CCDC85C: variants seen among roughly 807,000 people sequenced by gnomAD.
CCDC85C encodes coiled-coil domain containing 85C.
CCDC85C carries 18 observed loss-of-function variants against 38.3 expected under a neutral mutation model. The observed-to-expected ratio is 0.47, with a 90% CI of 0.33 to 0.70. The LOEUF (loss-of-function observed/expected upper bound fraction) is 0.70. Among genes scored for constraint, CCDC85C ranks in the 30% least tolerant of loss-of-function variants. CCDC85C has a pLI of 0.03. For missense variants in CCDC85C, 566 were observed against 621.2 expected (o/e 0.91, Z 0.94); for synonymous variants, 264 against 293.8 (o/e 0.90, Z 1.04).
chr14:99,534,764 C>G (rs1897560799), intron 2 of CCDC85C: 3 of 701,422 alleles, frequency 4.3e-6, no homozygotes, highest in Non-Finnish European at 7.8e-6. Flanking sequence ...GAGACCCCAG[C>G]CCCTCCTGCC....
rs559669076 is a variant in CCDC85C, at chr14:99,503,267, C to T, written c.*11979G>A. On this transcript the variant is annotated 3_prime_UTR_variant, in exon 6 of 6. Transcript: ENST00000380243. Reference sequence around the variant, plus strand: ...AGCCTGTCGGTGTCGTTGCCGTGTCCTAGCAGTGTCGTTGTGCATGCTGCT... The same window carrying T: ...AGCCTGTCGGTGTCGTTGCCGTGTCTTAGCAGTGTCGTTGTGCATGCTGCT... 1,335 of 631,362 alleles carry T rather than the reference C, an allele frequency of 2.1e-3. 8 individuals carry two copies. The highest frequency in any genetic ancestry group is 0.015 in the East Asian group (531 of 36,296). The allele number at this position is 631,362 out of a possible 1,614,324, so 39.1% of individuals were successfully genotyped here.
intron 1 of CCDC85C, among the ~76,000 whole-genome samples, chr14:99,602,640 A>G (rs539258087): frequency 1.3e-5 from 2 of 152,230 alleles, no homozygotes; most frequent in South Asian, 2.1e-4. Flanking sequence ...CCTCTCCCCA[A>G]CTGCCTCTGG....
chr14:99,579,783 C>T (rs1286335875), intron 1 of CCDC85C, among the ~76,000 whole-genome samples: 1 of 152,092 alleles, frequency 6.6e-6, no homozygotes, highest in Non-Finnish European at 1.5e-5. Flanking sequence ...TGTCACCTCT[C>T]CTGATTCCTT....
intron 3 of CCDC85C, among the ~76,000 whole-genome samples, chr14:99,518,573 C>T (rs1409257498): frequency 1.3e-5 from 2 of 151,346 alleles, no homozygotes; most frequent in African/African-American, 4.9e-5. Context: ...CAACGCAAGG[C>T]GGCACTCCCC....
At chr14:99,596,749 G>C (rs999070940) in intron 1 of CCDC85C, among the ~76,000 whole-genome samples, 11 of 152,208 alleles carry the variant, frequency 7.2e-5, no homozygotes, top group African/African-American at 2.7e-4. Context: ...GATGCCAATA[G>C]AGTCTCTTGT....
chr14:99,591,178 C>A (rs2055081821), intron 1 of CCDC85C, among the ~76,000 whole-genome samples: 1 of 152,236 alleles, frequency 6.6e-6, no homozygotes, highest in South Asian at 2.1e-4. Context: ...AAGCCACGTT[C>A]TTTGTTTTCT....
rs1271832808 is a variant in CCDC85C at position 99,507,049 on chromosome 14, G to A, written c.*8197C>T. On this transcript the variant is annotated 3_prime_UTR_variant, in exon 6 of 6. Coordinates refer to ENST00000380243, the MANE Select transcript of CCDC85C (RefSeq NM_001144995.2). ...TTATTCATGTGAAGAAGTATGAGTG[G>A]TTTTCTAATCTGCTTTTTCTTTGTA... The A allele has an allele frequency of 1.4e-6, 2 of 1,429,252 alleles. No individual in the cohort carries two copies. The highest frequency in any genetic ancestry group is 3.3e-5 in the Admixed American group (2 of 59,762). The allele number at this position is 1,429,252 out of a possible 1,614,324, so 88.5% of individuals were successfully genotyped here. A position where few individuals can be genotyped will look rare whatever the true frequency, so the allele number is the denominator to read the frequency against.
In CCDC85C at chr14:99,566,868, A is replaced by G. The variant is rs183190532; in HGVS notation, c.794-30780T>C. Reference sequence around the variant, plus strand: ...GACATTTCACTGTCCTGCACCCTCTACTGAAGGGAAGGGGCCTAGATGGCT... The same window carrying G: ...GACATTTCACTGTCCTGCACCCTCTGCTGAAGGGAAGGGGCCTAGATGGCT... On this transcript the variant is annotated intron_variant, in intron 1 of 5. Coordinates refer to ENST00000380243, the MANE Select transcript of CCDC85C (RefSeq NM_001144995.2). 3.1e-3 allele frequency among the ~76,000 whole-genome samples: 477 copies of G among 152,036 alleles called. 3 individuals carry two copies. Among genetic ancestry groups the G allele is most frequent in the Admixed American group, 3.9e-3 (59 of 15,302 alleles).
chr14:99,568,246 C>CTTTTTTTTTTTTTTTTT lies in CCDC85C; in HGVS notation c.794-32159_794-32158insAAAAAAAAAAAAAAAAA, dbSNP rs776784723. ...AGACACTCTCTGGAGGCCACCTGCC[C>CTTTTTTTTTTTTTTTTT]TTTATTTTTTTTTTTTTTTTTTTTG... On this transcript the variant is annotated intron_variant, in intron 1 of 5. Transcript: ENST00000380243. Among the ~76,000 whole-genome samples the CTTTTTTTTTTTTTTTTT allele has an allele frequency of 5.2e-5, 6 of 114,488 alleles. 1 individual carries two copies. Among genetic ancestry groups the CTTTTTTTTTTTTTTTTT allele is most frequent in the African/African-American group, 7.6e-5 (2 of 26,376 alleles). The allele number at this position is 114,488 out of a possible 152,430, so 75.1% of individuals were successfully genotyped here.
At chr14:99,582,192 G>A (rs1050944154) in intron 1 of CCDC85C, among the ~76,000 whole-genome samples, 20 of 152,072 alleles carry the variant, frequency 1.3e-4, no homozygotes, top group African/African-American at 4.6e-4. Flanking sequence ...ACCAGGCCTG[G>A]CCCCCCATCA....
intron 2 of CCDC85C, chr14:99,534,989 C>A (rs1426265152): frequency 1.6e-5 from 7 of 443,052 alleles, no homozygotes; most frequent in Non-Finnish European, 2.9e-5. Flanking sequence ...TCCCACCAGG[C>A]CCTGGGAACC....
chr14:99,517,170 G>A lies in CCDC85C; in HGVS notation c.989C>T (p.Pro330Leu), dbSNP rs1409805803. The A allele has an allele frequency of 2.6e-6, 4 of 1,546,918 alleles. No individual in the cohort carries two copies. Among genetic ancestry groups the A allele is most frequent in the Middle Eastern group, 1.7e-4 (1 of 5,740 alleles). Reference sequence around the variant, plus strand: ...GGGGGGCGAGGGCAGCTCAGGTGCGGGGCAGGCCGGGCCCTGGGGAAGGCA... The same window carrying A: ...GGGGGGCGAGGGCAGCTCAGGTGCGAGGCAGGCCGGGCCCTGGGGAAGGCA... ...QDSLQNGPAC[P>L]APELPSPPSA... Residue 330 changes from proline to leucine, a missense_variant, in exon 4 of 6, where the codon CCC becomes CTC. By Grantham distance (98) the Pro-to-Leu change is moderately conservative. Around this residue, in one of 3 missense-constraint regions of CCDC85C, gnomAD observed 286 missense variants for 276.4 expected, o/e 1.03. Coordinates refer to ENST00000380243, the MANE Select transcript of CCDC85C (RefSeq NM_001144995.2).
At chr14:99,543,126 G>C (rs780060223) in intron 1 of CCDC85C, among the ~76,000 whole-genome samples, 10 of 152,162 alleles carry the variant, frequency 6.6e-5, no homozygotes, top group African/African-American at 1.9e-4. Flanking sequence ...CCCATCATAG[G>C]GGGAGAGAAA....
chr14:99,540,079 C>G (rs1434613590), intron 1 of CCDC85C, among the ~76,000 whole-genome samples: 2 of 151,844 alleles, frequency 1.3e-5, no homozygotes, highest in Non-Finnish European at 1.5e-5. Context: ...ACCCGGGAGG[C>G]AGAGGTTGCA....
At position 99,503,413 on chromosome 14, in the gene CCDC85C, A is replaced by G. The variant is rs1896890655; in HGVS notation, c.*11833T>C. The G allele has an allele frequency of 6.6e-6, 4 of 606,016 alleles. No homozygotes were observed. The highest frequency in any genetic ancestry group is 5.5e-5 in the East Asian group (2 of 36,430). The allele number at this position is 606,016 out of a possible 1,614,324, so 37.5% of individuals were successfully genotyped here. A position where few individuals can be genotyped will look rare whatever the true frequency, so the allele number is the denominator to read the frequency against. ...CTAGTCATTCTGTCTTATTTGGTAA[A>G]TGGAAAGAGGAAGGGAGCAGAAATG... On this transcript the variant is annotated 3_prime_UTR_variant, in exon 6 of 6. Transcript: ENST00000380243.
rs1328398762 is a variant in CCDC85C, at chr14:99,506,291, C to T, written c.*8955G>A. 6.6e-6 allele frequency: 1 copy of T among 152,234 alleles called. No individual in the cohort carries two copies. The highest frequency in any genetic ancestry group is 1.5e-5 in the Non-Finnish European group (1 of 68,070). The allele number at this position is 152,234 out of a possible 1,614,324, so 9.4% of individuals were successfully genotyped here. A position where few individuals can be genotyped will look rare whatever the true frequency, so the allele number is the denominator to read the frequency against. On this transcript the variant is annotated 3_prime_UTR_variant, in exon 6 of 6. Coordinates refer to ENST00000380243, the MANE Select transcript of CCDC85C (RefSeq NM_001144995.2). The stretch of plus-strand genomic sequence containing the variant: ...GTACAAGCCAGAAGAAAGTACATTT[C>T]AGGAAGAAAAAGCCTCAGCATGCAA...
intron 1 of CCDC85C, among the ~76,000 whole-genome samples, chr14:99,597,360 A>C (rs954120718): frequency 6.6e-6 from 1 of 152,134 alleles, no homozygotes; most frequent in Non-Finnish European, 1.5e-5. Flanking sequence ...GATTGAACAC[A>C]CACATTCAAA....
chr14:99,564,004 G>T (rs1162146007), intron 1 of CCDC85C, among the ~76,000 whole-genome samples: 2 of 152,216 alleles, frequency 1.3e-5, no homozygotes, highest in East Asian at 3.9e-4. Context: ...TGTATAAGCA[G>T]CCCGTTTTCC....
chr14:99,551,708 A>T (rs1379474414), intron 1 of CCDC85C, among the ~76,000 whole-genome samples: 1 of 146,958 alleles, frequency 6.8e-6, no homozygotes, highest in African/African-American at 2.5e-5. Flanking sequence ...CAGGTGGGTG[A>T]GCAGGTGGGT....
Sources: allele counts gnomAD v4.1 joint callset (sites outside exome capture counted in the v4.1 genomes callset), GRCh38; gene constraint gnomAD v4.1.1; regional missense constraint gnomAD v4.1.1; transcripts MANE v1.5; gene names NCBI Gene and HGNC (gene_info 2026-07-23, HGNC 2026-07-21).